THSD7B: variants seen among roughly 807,000 people sequenced by gnomAD.
THSD7B encodes thrombospondin type 1 domain containing 7B.
Under a neutral mutation model 213.6 loss-of-function variants are expected in THSD7B, and 138 were observed. The observed-to-expected ratio is 0.65, with a 90% CI of 0.56 to 0.74. The LOEUF (loss-of-function observed/expected upper bound fraction) is 0.74, where lower values mean the gene tolerates loss of function less well. THSD7B is among the 30% of genes least tolerant of loss of function. The probability of loss-of-function intolerance (pLI) is 0.00; values close to 1 mark genes in which losing one functional copy is unlikely to be tolerated. For missense variants in THSD7B, 1,931 were observed against 1,991.5 expected, an observed-to-expected ratio of 0.97 and a Z score of 0.58; for synonymous variants, 742 against 687.0, an observed-to-expected ratio of 1.08 and a Z score of -1.25.
chr2:137,466,513 C>T (rs889388812), intron 15 of THSD7B, among the ~76,000 whole-genome samples: 3 of 151,724 alleles, frequency 2.0e-5, no homozygotes, highest in African/African-American at 7.3e-5. Flanking sequence ...TTTTTCTTAG[C>T]TTATCAGCTA....
At position 137,242,529 on chromosome 2, in the gene THSD7B, T is replaced by C. The variant is rs1430997235; in HGVS notation, c.2223T>C (p.Thr741=). The C allele has an allele frequency of 3.1e-6, 5 of 1,613,830 alleles. No homozygotes were observed. Among genetic ancestry groups the C allele is most frequent in the East Asian group, 2.2e-5 (1 of 44,896 alleles). The change falls in exon 10 of 28, where the codon ACT becomes ACC. Residue 741 remains threonine (T), a synonymous_variant. Coordinates refer to ENST00000409968, the MANE Select transcript of THSD7B (RefSeq NM_001316349.2). ...CATGCAAAAAAGACTGTATTGTGAC[T>C]GCTTTCAGTGAGTGGACACCCTGCC... is the stretch of plus-strand genomic sequence containing the variant. ...FLPCKKDCIV[T]AFSEWTPCPR...
intron 2 of THSD7B, among the ~76,000 whole-genome samples, chr2:136,987,359 G>T (rs1685689641): frequency 6.6e-6 from 1 of 152,040 alleles, no homozygotes; most frequent in South Asian, 2.1e-4. Context: ...TATTTTTACT[G>T]CCTTGATGAA....
chr2:136,881,488 A>G lies in THSD7B; in HGVS notation c.-35-656A>G, dbSNP rs1212737468. Among the ~76,000 whole-genome samples, 5 of 152,168 alleles carry G rather than the reference A, an allele frequency of 3.3e-5. 1 individual carries two copies. Among genetic ancestry groups the G allele is most frequent in the Middle Eastern group, 6.3e-3 (2 of 316 alleles). On this transcript the variant is annotated intron_variant, in intron 1 of 27. Coordinates refer to ENST00000409968, the MANE Select transcript of THSD7B (RefSeq NM_001316349.2). ...GCTGACCTTCAAATGTTAATATTATAAAGACTATCTTCATGGCAATAGAAA... is the reference window on the plus strand; with the variant it reads ...GCTGACCTTCAAATGTTAATATTATGAAGACTATCTTCATGGCAATAGAAA...
chr2:137,057,467 G>A (rs1347044079), intron 3 of THSD7B, among the ~76,000 whole-genome samples: 1 of 151,940 alleles, frequency 6.6e-6, no homozygotes, highest in Non-Finnish European at 1.5e-5. Context: ...TATATATATA[G>A]GATAAGTCAT....
At position 136,883,324 on chromosome 2, in the gene THSD7B, C is replaced by A. The variant is rs2104992486; in HGVS notation, c.139+1007C>A. On this transcript the variant is annotated intron_variant, in intron 2 of 27. Transcript: ENST00000409968. ...TTTGCAAAAATGAAAGTGAATTATG[C>A]TTTAAAGTCTATTAAGTAAAAAAAA... is the stretch of plus-strand genomic sequence containing the variant. Among the ~76,000 whole-genome samples the A allele has an allele frequency of 3.3e-5, 4 of 121,104 alleles. No individual in the cohort carries two copies. The Middle Eastern group carries it at 0.012, about 358-fold the overall frequency. The allele number at this position is 121,104 out of a possible 152,430, so 79.4% of individuals were successfully genotyped here. A position where few individuals can be genotyped will look rare whatever the true frequency, so the allele number is the denominator to read the frequency against.
At chr2:137,372,809 T>C (rs1176449472) in intron 12 of THSD7B, among the ~76,000 whole-genome samples, 1 of 151,734 alleles carries the variant, frequency 6.6e-6, no homozygotes, top group South Asian at 2.1e-4. Flanking sequence ...AACTCGTCAT[T>C]TAGCATTAGG....
Position 137,659,822 on chromosome 2 carries a change from C to T in THSD7B, c.4458+76C>T, listed in dbSNP as rs1336046250. The T allele has an allele frequency of 1.1e-5, 15 of 1,400,708 alleles. No homozygotes were observed. In the South Asian group the frequency reaches 1.1e-4, roughly 10 times the overall value. The allele number at this position is 1,400,708 out of a possible 1,614,324, so 86.8% of individuals were successfully genotyped here. On this transcript the variant is annotated intron_variant, in intron 25 of 27. Transcript: ENST00000409968. Reference sequence around the variant, plus strand: ...CACATGCAATCAGATGTTCTCCTGCCGGCTGCAGCCCAAGCAGCAGTTCCA... The same window carrying T: ...CACATGCAATCAGATGTTCTCCTGCTGGCTGCAGCCCAAGCAGCAGTTCCA...
intron 2 of THSD7B, among the ~76,000 whole-genome samples, chr2:136,926,260 A>T (rs1182775026): frequency 6.6e-6 from 1 of 152,050 alleles, no homozygotes; most frequent in East Asian, 1.9e-4. Context: ...CTTCTTGATT[A>T]ACTGAAGTAG....
chr2:137,224,048 C>A (rs1056909900), intron 7 of THSD7B, among the ~76,000 whole-genome samples: 1 of 152,112 alleles, frequency 6.6e-6, no homozygotes, highest in Admixed American at 6.6e-5. Flanking sequence ...TTATAAATTA[C>A]CCAGGTAGTT....
At chr2:137,105,151 A>T (rs949711669) in intron 4 of THSD7B, among the ~76,000 whole-genome samples, 1 of 152,212 alleles carries the variant, frequency 6.6e-6, no homozygotes, top group Non-Finnish European at 1.5e-5. Context: ...TGATGTAAAA[A>T]TCCTCAATAA....
chr2:136,806,794 A>G (rs1192080765), intron 1 of THSD7B, among the ~76,000 whole-genome samples: 2 of 152,130 alleles, frequency 1.3e-5, no homozygotes, highest in East Asian at 1.9e-4. Flanking sequence ...CCAGGGTCCC[A>G]CCCTGGATAC....
chr2:137,174,314 C>T (rs1483785341), intron 7 of THSD7B, among the ~76,000 whole-genome samples: 7 of 152,132 alleles, frequency 4.6e-5, no homozygotes, highest in African/African-American at 1.4e-4. Context: ...GTAGGGCTCT[C>T]GACAGTGTCT....
At position 137,160,875 on chromosome 2, in the gene THSD7B, G is replaced by A. The variant is rs567845228; in HGVS notation, c.1525+507G>A. On this transcript the variant is annotated intron_variant, in intron 6 of 27. Coordinates refer to ENST00000409968, the MANE Select transcript of THSD7B (RefSeq NM_001316349.2). ...CTGACCTCGTGATCTGCCCACGTCAGTCTCCTAAAGTGCTGGGATTACAGG... is the reference window on the plus strand; with the variant it reads ...CTGACCTCGTGATCTGCCCACGTCAATCTCCTAAAGTGCTGGGATTACAGG... 5.3e-5 allele frequency among the ~76,000 whole-genome samples: 8 copies of A among 152,250 alleles called. No individual in the cohort carries two copies. In the South Asian group the frequency reaches 1.2e-3, roughly 24 times the overall value.
chr2:137,211,779 A>G (rs1234162310), intron 7 of THSD7B, among the ~76,000 whole-genome samples: 2 of 152,064 alleles, frequency 1.3e-5, no homozygotes, highest in African/African-American at 2.4e-5. Flanking sequence ...TGCAATTATG[A>G]TTGTTATTTC....
intron 20 of THSD7B, 153 bp from the exon 21 acceptor site, chr2:137,642,335 T>A: frequency 1.1e-6 from 1 of 903,688 alleles, no homozygotes. Flanking sequence ...TCTGTGGAAC[T>A]CTAAATGAAA....
intron 2 of THSD7B, among the ~76,000 whole-genome samples, chr2:136,962,519 C>T (rs1020879349): frequency 4.9e-5 from 7 of 143,584 alleles, no homozygotes; most frequent in African/African-American, 1.8e-4. Context: ...CGGTATCCTA[C>T]TCCACAGTCT....
intron 2 of THSD7B, among the ~76,000 whole-genome samples, chr2:136,953,553 C>T (rs1039165845): frequency 3.3e-5 from 5 of 152,076 alleles, no homozygotes; most frequent in African/African-American, 1.2e-4. Flanking sequence ...GATTATGCCA[C>T]TTATGTACAA....
intron 14 of THSD7B, among the ~76,000 whole-genome samples, chr2:137,446,588 T>G (rs1687545632): frequency 6.6e-6 from 1 of 152,062 alleles, no homozygotes. Context: ...CAAAGTTTGG[T>G]GTATTCTCTA....
intron 15 of THSD7B, among the ~76,000 whole-genome samples, chr2:137,534,670 C>A (rs1680468893): frequency 6.6e-6 from 1 of 151,494 alleles, no homozygotes; most frequent in Admixed American, 6.6e-5. Context: ...TTCTTTTTTA[C>A]CCCAAATTCT....
Sources: gnomAD v4.1 joint callset for allele counts (sites outside exome capture counted in the v4.1 genomes callset) on GRCh38, gnomAD v4.1.1 for gene constraint, MANE v1.5 for transcripts, NCBI Gene and HGNC (gene_info 2026-07-23, HGNC 2026-07-21) for gene names.